CSMD3: variants seen among roughly 807,000 people sequenced by gnomAD.
The protein encoded by CSMD3 is CUB and Sushi multiple domains 3, also known as CUB and sushi domain-containing protein 3.
A neutral mutation model predicts 435.2 loss-of-function variants in CSMD3; 177 were observed. The observed-to-expected ratio is 0.41, with a 90% CI of 0.36 to 0.46. The LOEUF (loss-of-function observed/expected upper bound fraction) is 0.46. CSMD3 is among the 20% of genes least tolerant of loss of function. CSMD3 has a pLI of 0.34. For synonymous variants in CSMD3, 1,656 were observed against 1,520.5 expected, an observed-to-expected ratio of 1.09 and a Z score of -2.07; for missense variants, 4,265 against 4,504.6, an observed-to-expected ratio of 0.95 and a Z score of 1.52.
chr8:112,614,197 T>C (rs577031426), intron 22 of CSMD3, among the ~76,000 whole-genome samples: 43 of 152,146 alleles, frequency 2.8e-4, no homozygotes, highest in African/African-American at 9.4e-4. Flanking sequence ...GCTTGGCCTA[T>C]TGGGGGAAAT....
chr8:113,183,948 C>T (rs1406460871), intron 3 of CSMD3, among the ~76,000 whole-genome samples: 1 of 152,006 alleles, frequency 6.6e-6, no homozygotes, highest in East Asian at 1.9e-4. Flanking sequence ...TCAATTCTGA[C>T]ATTGTCTACC....
chr8:112,662,516 A>C (rs2075410839), intron 17 of CSMD3, among the ~76,000 whole-genome samples: 1 of 152,128 alleles, frequency 6.6e-6, no homozygotes, highest in African/African-American at 2.4e-5. Context: ...TTATACAAAA[A>C]TTAATTCAAG....
At chr8:113,371,983 A>C (rs556289219) in intron 1 of CSMD3, among the ~76,000 whole-genome samples, 1 of 152,172 alleles carries the variant, frequency 6.6e-6, no homozygotes. Flanking sequence ...TTAGACTTAC[A>C]TGAGTATTAG....
chr8:112,681,823 C>T (rs1460486220), intron 16 of CSMD3, among the ~76,000 whole-genome samples: 1 of 152,070 alleles, frequency 6.6e-6, no homozygotes, highest in Non-Finnish European at 1.5e-5. Flanking sequence ...GTTGAGATTG[C>T]ACCATTGCAT....
intron 35 of CSMD3, among the ~76,000 whole-genome samples, chr8:112,399,247 T>C (rs187825234): frequency 3.8e-4 from 54 of 141,918 alleles, no homozygotes; most frequent in Middle Eastern, 7.0e-3. Flanking sequence ...TTTTAAAATA[T>C]AGAAGTTTTG....
At chr8:112,286,281 T>C (rs965827802) in intron 58 of CSMD3, among the ~76,000 whole-genome samples, 1 of 152,154 alleles carries the variant, frequency 6.6e-6, no homozygotes, top group African/African-American at 2.4e-5. Context: ...TTATCTACTA[T>C]TCTTTCCACA....
chr8:112,256,276 A>G (rs994464386), intron 61 of CSMD3, among the ~76,000 whole-genome samples: 1 of 150,930 alleles, frequency 6.6e-6, no homozygotes, highest in African/African-American at 2.4e-5. Flanking sequence ...AAAAGGTAGT[A>G]TGTGAAAAAG....
intron 13 of CSMD3, among the ~76,000 whole-genome samples, chr8:112,769,983 T>C (rs2078071141): frequency 6.6e-6 from 1 of 152,044 alleles, no homozygotes; most frequent in African/African-American, 2.4e-5. Flanking sequence ...AGATTTCTAC[T>C]AAAAGCAAGT....
At chr8:112,251,422 T>A (rs962354390) in intron 63 of CSMD3, among the ~76,000 whole-genome samples, 2 of 151,714 alleles carry the variant, frequency 1.3e-5, no homozygotes, top group African/African-American at 4.8e-5. Context: ...AGCATTAACT[T>A]TGGTCCTAGG....
chr8:113,304,405 CA>C (rs1201176378), intron 2 of CSMD3, among the ~76,000 whole-genome samples: 1 of 93,010 alleles, frequency 1.1e-5, no homozygotes, highest in African/African-American at 4.3e-5. Context: ...CCAGCCATCC[CA>C]TTACTGGGTA....
At chr8:112,545,482 C>CAAAAAAAAAAAA (rs71566032) in intron 27 of CSMD3, among the ~76,000 whole-genome samples, 10 of 26,880 alleles carry the variant, frequency 3.7e-4, no homozygotes, top group African/African-American at 7.6e-4. Flanking sequence ...GACTCCATCT[C>CAAAAAAAAAAAA]AAAAAAAAAA....
intron 3 of CSMD3, among the ~76,000 whole-genome samples, chr8:113,240,610 C>A (rs1416861956): frequency 6.6e-6 from 1 of 152,084 alleles, no homozygotes; most frequent in Non-Finnish European, 1.5e-5. Context: ...ATATGTTTAT[C>A]TTGTTTCTGC....
chr8:113,042,905 A>G (rs2087681534), intron 5 of CSMD3, among the ~76,000 whole-genome samples: 1 of 152,206 alleles, frequency 6.6e-6, no homozygotes, highest in Non-Finnish European at 1.5e-5. Flanking sequence ...CAATCCAGCA[A>G]TCTGCATTTC....
At chr8:112,805,936 T>TA (rs1299746544) in intron 12 of CSMD3, among the ~76,000 whole-genome samples, 1 of 152,106 alleles carries the variant, frequency 6.6e-6, no homozygotes, top group African/African-American at 2.4e-5. Flanking sequence ...TAAAGAGCAA[T>TA]AAAAAACTGA....
At chr8:112,952,243 T>G (rs980609065) in intron 8 of CSMD3, among the ~76,000 whole-genome samples, 14 of 151,598 alleles carry the variant, frequency 9.2e-5, no homozygotes, top group Non-Finnish European at 1.5e-4. Context: ...TTAATTCATT[T>G]CTTACTTAAA....
chr8:113,024,320 T>G (rs4876503), intron 5 of CSMD3, among the ~76,000 whole-genome samples: 43 of 2,552 alleles, frequency 0.017, no homozygotes, highest in South Asian at 0.053. Flanking sequence ...GTGTGTGTGT[T>G]TGTGTGTGTG....
chr8:112,368,778 C>A (rs1461590171), intron 38 of CSMD3, among the ~76,000 whole-genome samples: 2 of 152,106 alleles, frequency 1.3e-5, no homozygotes, highest in East Asian at 3.9e-4. Context: ...TACTCTACAA[C>A]TTACTAACTT....
At chr8:112,914,331 C>T (rs528791144) in intron 10 of CSMD3, among the ~76,000 whole-genome samples, 65 of 151,744 alleles carry the variant, frequency 4.3e-4, no homozygotes, top group African/African-American at 1.4e-3. Context: ...CATTTCTTAA[C>T]GGCATAATTT....
At chr8:112,723,626 T>C (rs2076907074) in intron 13 of CSMD3, among the ~76,000 whole-genome samples, 1 of 152,156 alleles carries the variant, frequency 6.6e-6, no homozygotes, top group African/African-American at 2.4e-5. Context: ...AAGCAATAAT[T>C]AGCTCATGTT....
Sources: allele counts gnomAD v4.1 joint callset (sites outside exome capture counted in the v4.1 genomes callset), GRCh38; gene constraint gnomAD v4.1.1; transcripts MANE v1.5; gene names NCBI Gene and HGNC (gene_info 2026-07-23, HGNC 2026-07-21).